Variants in CSMD1 observed in about 807,000 individuals in gnomAD.
The protein encoded by CSMD1 is CUB and Sushi multiple domains 1.
Under a neutral mutation model 417.5 loss-of-function variants are expected in CSMD1, and 213 were observed. That is an observed-to-expected ratio of 0.51 (90% CI 0.46 to 0.57). CSMD1 has a LOEUF of 0.57. CSMD1 is among the 20% of genes least tolerant of loss of function. The pLI, the probability that CSMD1 is intolerant of heterozygous loss-of-function variation, is 0.00. For missense variants in CSMD1, 6,923 were observed against 4,529.7 expected, an observed-to-expected ratio of 1.53 and a Z score of -15.17; for synonymous variants, 2,862 against 1,736.8, an observed-to-expected ratio of 1.65 and a Z score of -16.11.
In CSMD1 at chr8:3,803,666, T is replaced by C. The variant is rs1023355583; in HGVS notation, c.819-49624A>G. 9.2e-5 allele frequency among the ~76,000 whole-genome samples: 14 copies of C among 152,126 alleles called. No individual in the cohort carries two copies. In the East Asian group the frequency reaches 2.7e-3, roughly 29 times the overall value. On this transcript the variant is annotated intron_variant, in intron 5 of 69. Coordinates refer to ENST00000635120, the MANE Select transcript of CSMD1 (RefSeq NM_033225.6). ...AGAGGAGGGTTCATAGAGGCCAGAG[T>C]GGCACCACGCAGAGATTTGTTGGTC...
At chr8:3,977,475 GA>G (rs1057127313) in intron 5 of CSMD1, among the ~76,000 whole-genome samples, 173 of 150,490 alleles carry the variant, frequency 1.1e-3, no homozygotes, top group African/African-American at 3.2e-3. Flanking sequence ...GCGACTTAAA[GA>G]AAAAAAAAAT....
At chr8:4,270,200 G>A (rs562821500) in intron 3 of CSMD1, among the ~76,000 whole-genome samples, 4 of 152,288 alleles carry the variant, frequency 2.6e-5, no homozygotes, top group South Asian at 4.1e-4. Context: ...ACATAGCCGC[G>A]TGTTTCCTAC....
chr8:3,560,698 G>T (rs28463395), intron 10 of CSMD1, among the ~76,000 whole-genome samples: 25,955 of 152,064 alleles, frequency 0.17, 2,627 homozygotes, highest in East Asian at 0.4. Flanking sequence ...ATTTCTCTCA[G>T]GGTACTTTTT....
intron 3 of CSMD1, among the ~76,000 whole-genome samples, chr8:4,195,033 C>T (rs2656298): frequency 0.64 from 97,180 of 151,948 alleles, 32,056 homozygotes; most frequent in Non-Finnish European, 0.71. Context: ...TTTTCACTAT[C>T]TACAATTTAA....
At chr8:3,827,602 G>C (rs1046750149) in intron 5 of CSMD1, among the ~76,000 whole-genome samples, 2 of 152,138 alleles carry the variant, frequency 1.3e-5, no homozygotes, top group Admixed American at 1.3e-4. Flanking sequence ...TCAATGAAAT[G>C]AACTATTCAT....
chr8:4,207,506 A>G (rs148001197), intron 3 of CSMD1, among the ~76,000 whole-genome samples: 23 of 152,302 alleles, frequency 1.5e-4, no homozygotes, highest in African/African-American at 4.6e-4. Flanking sequence ...TTTAAAATTA[A>G]TATTTCTTAA....
intron 5 of CSMD1, among the ~76,000 whole-genome samples, chr8:3,966,270 A>C (rs1812673337): frequency 6.6e-6 from 1 of 152,190 alleles, no homozygotes; most frequent in Admixed American, 6.5e-5. Context: ...AAGATACTTA[A>C]ACTGAATGCA....
intron 7 of CSMD1, among the ~76,000 whole-genome samples, chr8:3,664,852 A>G (rs1419413941): frequency 6.6e-6 from 1 of 152,252 alleles, no homozygotes; most frequent in African/African-American, 2.4e-5. Flanking sequence ...GTAAAGCCAG[A>G]CATCATAAAC....
intron 1 of CSMD1, among the ~76,000 whole-genome samples, chr8:4,737,967 C>A (rs1018156977): frequency 1.3e-5 from 2 of 152,138 alleles, no homozygotes; most frequent in African/African-American, 2.4e-5. Context: ...CAGGTAACAG[C>A]CTGCCATTGA....
At chr8:4,436,140 A>G (rs1046977851) in intron 2 of CSMD1, among the ~76,000 whole-genome samples, 1 of 152,160 alleles carries the variant, frequency 6.6e-6, no homozygotes, top group African/African-American at 2.4e-5. Context: ...TAAAAAATAG[A>G]AGTCATAGAT....
At chr8:3,459,082 C>T (rs943123548) in intron 12 of CSMD1, among the ~76,000 whole-genome samples, 4 of 152,292 alleles carry the variant, frequency 2.6e-5, no homozygotes, top group East Asian at 3.9e-4. Context: ...TGGGGGAGAA[C>T]GATGGATGGG....
intron 26 of CSMD1, among the ~76,000 whole-genome samples, chr8:3,255,430 C>T (rs1042737701): frequency 6.6e-6 from 1 of 152,220 alleles, no homozygotes; most frequent in African/African-American, 2.4e-5. Flanking sequence ...GCACAGGTTT[C>T]TGCTGCCTTT....
At chr8:3,524,379 G>A (rs1423189815) in intron 10 of CSMD1, among the ~76,000 whole-genome samples, 1 of 140,998 alleles carries the variant, frequency 7.1e-6, no homozygotes. Context: ...GTGCACACAT[G>A]CACATACACA....
intron 34 of CSMD1, among the ~76,000 whole-genome samples, chr8:3,189,448 C>T (rs986249739): frequency 7.9e-5 from 12 of 152,210 alleles, no homozygotes; most frequent in Non-Finnish European, 1.5e-4. Flanking sequence ...GATTCAAGTG[C>T]TAATCATGAT....
intron 1 of CSMD1, among the ~76,000 whole-genome samples, chr8:4,733,024 G>GAA (rs11308667): frequency 6.7e-6 from 1 of 149,106 alleles, no homozygotes; most frequent in Admixed American, 6.7e-5. Flanking sequence ...GGTTTCTTTG[G>GAA]AAAAAAAAAA....
intron 7 of CSMD1, among the ~76,000 whole-genome samples, chr8:3,668,040 A>C (rs1396681870): frequency 6.6e-6 from 1 of 152,086 alleles, no homozygotes; most frequent in Non-Finnish European, 1.5e-5. Flanking sequence ...CCCAGTCCCC[A>C]TCCCAAGGAT....
intron 5 of CSMD1, among the ~76,000 whole-genome samples, chr8:3,848,268 T>C (rs979685725): frequency 2.0e-5 from 3 of 152,294 alleles, no homozygotes; most frequent in Admixed American, 2.0e-4. Flanking sequence ...ACCCAAGTGT[T>C]CTGCCCAACA....
chr8:3,941,092 T>C (rs1369454042), intron 5 of CSMD1, among the ~76,000 whole-genome samples: 3 of 152,064 alleles, frequency 2.0e-5, no homozygotes, highest in Non-Finnish European at 4.4e-5. Flanking sequence ...CCTTAAAATT[T>C]ATCATTTATG....
intron 3 of CSMD1, among the ~76,000 whole-genome samples, chr8:4,159,756 T>A (rs1031426840): frequency 6.6e-6 from 1 of 152,140 alleles, no homozygotes; most frequent in Non-Finnish European, 1.5e-5. Context: ...GCCCGGCTAA[T>A]TTTTTATATT....
Sources: allele counts gnomAD v4.1 joint callset (sites outside exome capture counted in the v4.1 genomes callset), GRCh38; gene constraint gnomAD v4.1.1; transcripts MANE v1.5; gene names NCBI Gene and HGNC (gene_info 2026-07-23, HGNC 2026-07-21).